Variants in PSD3 observed in about 807,000 individuals in gnomAD.
The protein encoded by PSD3 is pleckstrin and Sec7 domain containing 3, also known as PH and SEC7 domain-containing protein 3.
In PSD3, 49 loss-of-function variants were observed where a neutral mutation model predicts 105.5. The observed-to-expected ratio is 0.46, with a 90% CI of 0.37 to 0.59. PSD3 has a LOEUF of 0.59. PSD3 is among the 20% of genes least tolerant of loss of function. The probability of loss-of-function intolerance (pLI) is 0.00; values close to 1 mark genes in which losing one functional copy is unlikely to be tolerated. For synonymous variants in PSD3, 557 were observed against 457.8 expected, an observed-to-expected ratio of 1.22 and a Z score of -2.77; for missense variants, 1,561 against 1,263.8, an observed-to-expected ratio of 1.24 and a Z score of -3.57.
chr8:18,664,783 G>A (rs1415462137), intron 9 of PSD3, among the ~76,000 whole-genome samples: 1 of 152,166 alleles, frequency 6.6e-6, no homozygotes, highest in Non-Finnish European at 1.5e-5. Context: ...AGGGGCAATG[G>A]GGCAATGAAG....
In PSD3 at chr8:18,872,620, C is replaced by T; in HGVS notation, c.244G>A (p.Glu82Lys). ...TCTTGTGGGTGGCATGGCAGAGCCT[C>T]ACCATCAAATTCCAGAGAAGCCCTT... ...GLRASLEFDG[E>K]ALPCHPQEQQ... is the part of the protein sequence containing the mutation. Residue 82 changes from glutamate to lysine, a missense_variant, in exon 3 of 16, where the codon GAG (glutamate) becomes AAG (lysine). Physicochemically the swap from Glu to Lys is moderately conservative, Grantham distance 56. Transcript: ENST00000327040. 1.2e-6 allele frequency: 2 copies of T among 1,614,080 alleles called. No individual in the cohort carries two copies. Among genetic ancestry groups the T allele is most frequent in the Non-Finnish European group, 1.7e-6 (2 of 1,180,012 alleles).
chr8:18,846,265 T>C (rs1341100875), intron 4 of PSD3, among the ~76,000 whole-genome samples: 1 of 152,210 alleles, frequency 6.6e-6, no homozygotes, highest in African/African-American at 2.4e-5. Context: ...GAAACAGTGA[T>C]ATTCCCTGCT....
intron 1 of PSD3, among the ~76,000 whole-genome samples, chr8:19,028,799 T>C (rs970428912): frequency 2.6e-5 from 4 of 152,176 alleles, no homozygotes; most frequent in Non-Finnish European, 5.9e-5. Context: ...GCTTCTAGAA[T>C]TGTTATAGTT....
chr8:19,074,379 A>C (rs4921988), intron 1 of PSD3, among the ~76,000 whole-genome samples: 145,633 of 151,946 alleles, frequency 0.96, 70,143 homozygotes, highest in East Asian at 1. Context: ...GGGGTGCCAC[A>C]ACTCTGTGAT....
At chr8:18,665,675 C>T (rs934550329) in intron 9 of PSD3, among the ~76,000 whole-genome samples, 2 of 152,186 alleles carry the variant, frequency 1.3e-5, no homozygotes, top group African/African-American at 4.8e-5. Context: ...AAATGCTACA[C>T]AGAAATCTTT....
chr8:18,566,391 T>G (rs932023322), intron 14 of PSD3, among the ~76,000 whole-genome samples: 22 of 151,854 alleles, frequency 1.4e-4, no homozygotes, highest in African/African-American at 5.3e-4. Context: ...CTGGGTATGG[T>G]GGCGGGCGCC....
intron 11 of PSD3, among the ~76,000 whole-genome samples, chr8:18,628,471 G>C (rs1253518740): frequency 1.3e-5 from 2 of 151,676 alleles, no homozygotes; most frequent in Non-Finnish European, 1.5e-5. Context: ...ACCTGCCAAA[G>C]GATTCTATAC....
At chr8:18,645,299 C>G (rs1323538195) in intron 10 of PSD3, among the ~76,000 whole-genome samples, 1 of 152,156 alleles carries the variant, frequency 6.6e-6, no homozygotes, top group Non-Finnish European at 1.5e-5. Flanking sequence ...AAGATTAATT[C>G]ATGTTCAATA....
chr8:18,801,045 A>G, intron 7 of PSD3: 3 of 352,668 alleles, frequency 8.5e-6, no homozygotes, highest in Non-Finnish European at 1.5e-5. Context: ...ATATTTAATG[A>G]CATGAGAAAA....
intron 12 of PSD3, among the ~76,000 whole-genome samples, chr8:18,578,294 T>A (rs528300242): frequency 2.4e-4 from 37 of 152,228 alleles, no homozygotes; most frequent in African/African-American, 7.9e-4. Flanking sequence ...CTTGGGTTGA[T>A]AATTGCTGAC....
intron 4 of PSD3, among the ~76,000 whole-genome samples, chr8:18,841,269 C>T (rs889779420): frequency 1.3e-5 from 2 of 152,004 alleles, no homozygotes; most frequent in Non-Finnish European, 2.9e-5. Context: ...TCAGGCACTG[C>T]GTGGAAAAAA....
intron 9 of PSD3, among the ~76,000 whole-genome samples, chr8:18,756,584 C>T (rs921491927): frequency 2.6e-5 from 4 of 152,088 alleles, no homozygotes; most frequent in South Asian, 2.1e-4. Flanking sequence ...TAGACTGAAA[C>T]GATCCTTACA....
intron 12 of PSD3, among the ~76,000 whole-genome samples, chr8:18,583,881 T>C (rs1230049961): frequency 6.6e-6 from 1 of 152,172 alleles, no homozygotes; most frequent in Non-Finnish European, 1.5e-5. Context: ...TACAACATTC[T>C]AGAAGACGGG....
intron 2 of PSD3, among the ~76,000 whole-genome samples, chr8:18,932,055 C>A (rs1172944165): frequency 6.6e-6 from 1 of 152,214 alleles, no homozygotes. Flanking sequence ...TTTCTTCCAA[C>A]ATAAAGATTC....
intron 9 of PSD3, among the ~76,000 whole-genome samples, chr8:18,689,751 A>G (rs967326): frequency 0.91 from 139,227 of 152,248 alleles, 64,081 homozygotes; most frequent in Middle Eastern, 0.96. Context: ...TTTGTCACGT[A>G]GCCCAACATA....
chr8:18,623,599 G>C (rs1806280071), intron 11 of PSD3, among the ~76,000 whole-genome samples: 1 of 148,078 alleles, frequency 6.8e-6, no homozygotes, highest in African/African-American at 2.5e-5. Context: ...ACAATTGCAT[G>C]TACCACTGTA....
At chr8:18,888,441 C>A (rs565572582) in intron 2 of PSD3, among the ~76,000 whole-genome samples, 20 of 151,662 alleles carry the variant, frequency 1.3e-4, no homozygotes, top group Middle Eastern at 3.4e-3. Context: ...ATTATGTTAC[C>A]TTGAGCAAGT....
chr8:18,925,789 C>G (rs1307344589), intron 2 of PSD3, among the ~76,000 whole-genome samples: 1 of 152,132 alleles, frequency 6.6e-6, no homozygotes, highest in African/African-American at 2.4e-5. Flanking sequence ...ATTTAAAAAG[C>G]CATCCAGCAG....
At chr8:18,978,942 A>G (rs1178498861) in intron 1 of PSD3, among the ~76,000 whole-genome samples, 2 of 152,122 alleles carry the variant, frequency 1.3e-5, no homozygotes, top group Non-Finnish European at 2.9e-5. Context: ...TCCAGGCAGC[A>G]GTGAAGCAGT....
Sources: allele counts gnomAD v4.1 joint callset (sites outside exome capture counted in the v4.1 genomes callset), GRCh38; gene constraint gnomAD v4.1.1; transcripts MANE v1.5; gene names NCBI Gene and HGNC (gene_info 2026-07-23, HGNC 2026-07-21).